SLC25A2: variants seen among roughly 807,000 people sequenced by gnomAD.
The protein encoded by SLC25A2 is solute carrier family 25 member 2, also known as mitochondrial ornithine transporter 2.
A neutral mutation model predicts 7.4 loss-of-function variants in SLC25A2; 6 were observed. That is an observed-to-expected ratio of 0.82 (90% CI 0.45 to 1.61). The LOEUF (loss-of-function observed/expected upper bound fraction) is 1.61, where lower values mean the gene tolerates loss of function less well. SLC25A2 is among the 40% of genes most tolerant of loss of function. The pLI is 0.01. For missense variants in SLC25A2, 356 were observed against 377.3 expected (o/e 0.94, Z 0.47); for synonymous variants, 158 against 153.4 (o/e 1.03, Z -0.22).
At position 141,302,865 on chromosome 5, in the gene SLC25A2, G is replaced by T; in HGVS notation, c.*95C>A. 1 of 1,360,844 alleles carries T rather than the reference G, an allele frequency of 7.3e-7. No homozygotes were observed. The highest frequency in any genetic ancestry group is 9.9e-7 in the Non-Finnish European group (1 of 1,011,274). The allele number at this position is 1,360,844 out of a possible 1,614,324, so 84.3% of individuals were successfully genotyped here. On this transcript the variant is annotated 3_prime_UTR_variant, in exon 1 of 1. Transcript: ENST00000239451. Reference sequence around the variant, plus strand: ...AAGATAAAACCAAAATTCCCATGAAGTCAAAATTAGACAGTGGTCTTGTAC... The same window carrying T: ...AAGATAAAACCAAAATTCCCATGAATTCAAAATTAGACAGTGGTCTTGTAC...
At position 141,303,375 on chromosome 5, in the gene SLC25A2, TC is replaced by T. The variant is rs782436012; in HGVS notation, c.490del (p.Asp164MetfsTer30). On this transcript the variant is annotated frameshift_variant, in exon 1 of 1. Coordinates refer to ENST00000239451, the MANE Select transcript of SLC25A2 (RefSeq NM_031947.4). LOFTEE classifies it high-confidence loss of function. Reference sequence around the variant, plus strand: ...TCCATGGTAGAAGCCCAAGGGGCCATCCTTTTTAAGGATACCCTTCACGACA... The same window carrying T: ...TCCATGGTAGAAGCCCAAGGGGCCATCTTTTTAAGGATACCCTTCACGACA... ...WSVVKGILKK[D>X]GPLGFYHGLS... 7 of 1,614,196 alleles carry T rather than the reference TC, an allele frequency of 4.3e-6. No homozygotes were observed. In the South Asian group the frequency reaches 7.7e-5, roughly 18 times the overall value.
In SLC25A2 at chr5:141,303,077, T is replaced by A; in HGVS notation, c.789A>T (p.Val263=). The change falls in exon 1 of 1, where the codon GTA becomes GTT. Residue 263 remains valine, a synonymous_variant. Coordinates refer to ENST00000239451, the MANE Select transcript of SLC25A2 (RefSeq NM_031947.4). The stretch of plus-strand genomic sequence containing the variant: ...TAGCTTTCAGTCCAGAATATAAGGC[T>A]ACTATTCCTTCATTTCTCACAACAC... ...LLSVVRNEGI[V]ALYSGLKATM... is the part of the protein sequence containing the mutation. 1 of 1,614,234 alleles carries A rather than the reference T, an allele frequency of 6.2e-7. No individual in the cohort carries two copies. The highest frequency in any genetic ancestry group is 8.5e-7 in the Non-Finnish European group (1 of 1,180,030).
rs1755953940 is a variant in SLC25A2, at chr5:141,304,015, T to C, written c.-150A>G. On this transcript the variant is annotated 5_prime_UTR_variant, in exon 1 of 1. Transcript: ENST00000239451. ...CGCCTGTTCTGGGCTCTCACCCCAG[T>C]GCGGGGGAAGCCGCTCAACCCTACG... The C allele has an allele frequency of 2.2e-6, 2 of 889,082 alleles. No individual in the cohort carries two copies. The highest frequency in any genetic ancestry group is 5.8e-5 in the Admixed American group (2 of 34,702). The allele number at this position is 889,082 out of a possible 1,614,324, so 55.1% of individuals were successfully genotyped here. A position where few individuals can be genotyped will look rare whatever the true frequency, so the allele number is the denominator to read the frequency against.
At position 141,303,015 on chromosome 5, in the gene SLC25A2, A is replaced by G. The variant is rs782286450; in HGVS notation, c.851T>C (p.Phe284Ser). Residue 284 changes from phenylalanine to serine, a missense_variant, in exon 1 of 1, where the codon TTT becomes TCT. Transcript: ENST00000239451. Reference protein sequence around the residue: ...IRAIPANGALFVAYEYSRKMM... With the variant: ...IRAIPANGALSVAYEYSRKMM... ...CTTCCTGCTGTATTCGTAGGCCACAAACAGTGCCCCATTGGCAGGGATTGC... is the reference window on the plus strand; with the variant it reads ...CTTCCTGCTGTATTCGTAGGCCACAGACAGTGCCCCATTGGCAGGGATTGC... 34 of 1,614,010 alleles carry G rather than the reference A, an allele frequency of 2.1e-5. No homozygotes were observed. Among genetic ancestry groups the G allele is most frequent in the Non-Finnish European group, 2.5e-5 (30 of 1,179,990 alleles).
rs782769910 is a variant in SLC25A2, at chr5:141,302,981, C to G, written c.885G>C (p.Met295Ile). 7.4e-6 allele frequency: 12 copies of G among 1,612,616 alleles called. No individual in the cohort carries two copies. In the Admixed American group the frequency reaches 2.0e-4, roughly 27 times the overall value. ...VAYEYSRKMMMKQLEAY is the reference protein window; with the variant it reads ...VAYEYSRKMMIKQLEAY Reference sequence around the variant, plus strand: ...CACTTCAGTATGCTTCCAACTGTTTCATCATCATCTTCCTGCTGTATTCGT... The same window carrying G: ...CACTTCAGTATGCTTCCAACTGTTTGATCATCATCTTCCTGCTGTATTCGT... The change falls in exon 1 of 1, where the codon ATG becomes ATC. Residue 295 changes from methionine to isoleucine, a missense_variant. Coordinates refer to ENST00000239451, the MANE Select transcript of SLC25A2 (RefSeq NM_031947.4).
At position 141,303,369 on chromosome 5, in the gene SLC25A2, G is replaced by A. The variant is rs1564061628; in HGVS notation, c.497C>T (p.Pro166Leu). Residue 166 changes from proline to leucine, a missense_variant, in exon 1 of 1, where the codon CCC (proline) becomes CTC (leucine). Transcript: ENST00000239451. ...VVKGILKKDG[P>L]LGFYHGLSST... is the part of the protein sequence containing the mutation. ...CGAGAGTCCATGGTAGAAGCCCAAG[G>A]GGCCATCCTTTTTAAGGATACCCTT... 6.2e-7 allele frequency: 1 copy of A among 1,614,062 alleles called. No individual in the cohort carries two copies. Among genetic ancestry groups the A allele is most frequent in the Non-Finnish European group, 8.5e-7 (1 of 1,180,032 alleles).
Position 141,302,998 on chromosome 5 carries a change from T to C in SLC25A2, c.868A>G (p.Ser290Gly). The change falls in exon 1 of 1, where the codon AGC becomes GGC. Residue 290 changes from serine to glycine, a missense_variant. By Grantham distance (56) the Ser-to-Gly change is moderately conservative. Transcript: ENST00000239451. ...AACTGTTTCATCATCATCTTCCTGC[T>C]GTATTCGTAGGCCACAAACAGTGCC... Reference protein sequence around the residue: ...NGALFVAYEYSRKMMMKQLEA... With the variant: ...NGALFVAYEYGRKMMMKQLEA... The C allele has an allele frequency of 1.2e-6, 2 of 1,613,802 alleles. No individual in the cohort carries two copies. The highest frequency in any genetic ancestry group is 1.1e-5 in the South Asian group (1 of 91,012).
rs782169887 is a variant in SLC25A2, at chr5:141,303,659, C to T, written c.207G>A (p.Pro69=). The change falls in exon 1 of 1, where the codon CCG becomes CCA. Residue 69 remains proline, a synonymous_variant. Transcript: ENST00000239451. ...TTTCGGCGACGTAGGCCATAAGTGC[C>T]GGGCCGGTGCCCTTGTAGAAGCCCC... The part of the protein sequence containing the change: ...GLRGFYKGTG[P]ALMAYVAENS... 10 of 1,614,110 alleles carry T rather than the reference C, an allele frequency of 6.2e-6. No homozygotes were observed. In the Admixed American group the frequency reaches 1.0e-4, roughly 16 times the overall value.
rs558401279 is a variant in SLC25A2 at position 141,303,168 on chromosome 5, A to C, written c.698T>G (p.Ile233Ser). Residue 233 changes from isoleucine to serine, a missense_variant, in exon 1 of 1, where the codon ATT becomes AGT. Coordinates refer to ENST00000239451, the MANE Select transcript of SLC25A2 (RefSeq NM_031947.4). ...GGAAAGAACTTGAATTCTGGATTTA[A>C]TACAATCCACTGGGAACACGACAAG... The part of the protein sequence containing the change: ...LWLVVFPVDC[I>S]KSRIQVLSMY... 6.2e-7 allele frequency: 1 copy of C among 1,614,266 alleles called. No homozygotes were observed.
chr5:141,302,948 C>A lies in SLC25A2; in HGVS notation c.*12G>T. The stretch of plus-strand genomic sequence containing the variant: ...AAACTCATGGACTCGGATCCAGGTT[C>A]ACCAAGACACTTCAGTATGCTTCCA... On this transcript the variant is annotated 3_prime_UTR_variant, in exon 1 of 1. Transcript: ENST00000239451. 1 of 1,605,666 alleles carries A rather than the reference C, an allele frequency of 6.2e-7. No individual in the cohort carries two copies. The highest frequency in any genetic ancestry group is 1.1e-5 in the South Asian group (1 of 89,250).
rs782499983 is a variant in SLC25A2, at chr5:141,303,397, C to A, written c.469G>T (p.Val157Leu). ...AKSHNTIWSVVKGILKKDGPL... is the reference protein window; with the variant it reads ...AKSHNTIWSVLKGILKKDGPL... ...CCATCCTTTTTAAGGATACCCTTCA[C>A]GACAGACCAAATTGTATTATGGCTT... is the stretch of plus-strand genomic sequence containing the variant. The change falls in exon 1 of 1, where the codon GTG (valine) becomes TTG (leucine). Residue 157 changes from valine (V) to leucine (L), a missense_variant. Coordinates refer to ENST00000239451, the MANE Select transcript of SLC25A2 (RefSeq NM_031947.4). 1.1e-5 allele frequency: 17 copies of A among 1,614,062 alleles called. No homozygotes were observed. The highest frequency in any genetic ancestry group is 1.4e-5 in the Non-Finnish European group (17 of 1,180,060).
chr5:141,302,811 T>A lies in SLC25A2; in HGVS notation c.*149A>T. On this transcript the variant is annotated 3_prime_UTR_variant, in exon 1 of 1. Transcript: ENST00000239451. ...ATGATGTAAAATAGAGGCCCTTCCA[T>A]AAAGTTAAGATTTAGGGTAGAAGAA... is the stretch of plus-strand genomic sequence containing the variant. 1.4e-6 allele frequency: 1 copy of A among 706,184 alleles called. No homozygotes were observed. The highest frequency in any genetic ancestry group is 2.3e-6 in the Non-Finnish European group (1 of 442,300). 43.7% of individuals were successfully genotyped at this position (706,184 alleles called of 1,614,324 possible).
Position 141,304,002 on chromosome 5 carries a change from G to T in SLC25A2, c.-137C>A. ...GGGGTGGCTCTACCGCCTGTTCTGGGCTCTCACCCCAGTGCGGGGGAAGCC... is the reference window on the plus strand; with the variant it reads ...GGGGTGGCTCTACCGCCTGTTCTGGTCTCTCACCCCAGTGCGGGGGAAGCC... On this transcript the variant is annotated 5_prime_UTR_variant, in exon 1 of 1. Transcript: ENST00000239451. The T allele has an allele frequency of 1.0e-6, 1 of 999,234 alleles. No individual in the cohort carries two copies. The highest frequency in any genetic ancestry group is 1.5e-6 in the Non-Finnish European group (1 of 688,582). The allele number at this position is 999,234 out of a possible 1,614,324, so 61.9% of individuals were successfully genotyped here.
Position 141,302,887 on chromosome 5 carries a change from G to C in SLC25A2, c.*73C>G. The stretch of plus-strand genomic sequence containing the variant: ...GAAGTCAAAATTAGACAGTGGTCTT[G>C]TACTCTGCTGAACCCTGTGATGAAC... On this transcript the variant is annotated 3_prime_UTR_variant, in exon 1 of 1. Coordinates refer to ENST00000239451, the MANE Select transcript of SLC25A2 (RefSeq NM_031947.4). The C allele has an allele frequency of 6.7e-7, 1 of 1,486,718 alleles. No homozygotes were observed. The highest frequency in any genetic ancestry group is 2.2e-5 in the Admixed American group (1 of 45,456). The allele number at this position is 1,486,718 out of a possible 1,614,324, so 92.1% of individuals were successfully genotyped here. A position where few individuals can be genotyped will look rare whatever the true frequency, so the allele number is the denominator to read the frequency against.
At position 141,303,646 on chromosome 5, in the gene SLC25A2, A is replaced by G. The variant is rs1554296108; in HGVS notation, c.220T>C (p.Tyr74His). The G allele has an allele frequency of 6.2e-7, 1 of 1,614,130 alleles. No individual in the cohort carries two copies. The highest frequency in any genetic ancestry group is 1.3e-5 in the African/African-American group (1 of 74,950). ...AAGAGGACCGAGTTTTCGGCGACGT[A>G]GGCCATAAGTGCCGGGCCGGTGCCC... ...YKGTGPALMA[Y>H]VAENSVLFMC... Residue 74 changes from tyrosine (Y) to histidine (H), a missense_variant, in exon 1 of 1, where the codon TAC becomes CAC. Transcript: ENST00000239451.
At position 141,303,331 on chromosome 5, in the gene SLC25A2, G is replaced by T. The variant is rs1222493346; in HGVS notation, c.535C>A (p.Gln179Lys). The T allele has an allele frequency of 1.2e-6, 2 of 1,614,060 alleles. No individual in the cohort carries two copies. Among genetic ancestry groups the T allele is most frequent in the African/African-American group, 2.7e-5 (2 of 74,914 alleles). ...AAAAAGAAATAACCCGGTACTTCTTGAAGTAGAGTACTCGAGAGTCCATGG... is the reference window on the plus strand; with the variant it reads ...AAAAAGAAATAACCCGGTACTTCTTTAAGTAGAGTACTCGAGAGTCCATGG... ...FYHGLSSTLL[Q>K]EVPGYFFFFG... Residue 179 changes from glutamine (Q) to lysine (K), a missense_variant, in exon 1 of 1, where the codon CAA (glutamine) becomes AAA (lysine). Transcript: ENST00000239451.
chr5:141,302,784 A>G lies in SLC25A2; in HGVS notation c.*176T>C, dbSNP rs1342785175. 1.7e-6 allele frequency: 1 copy of G among 595,246 alleles called. No homozygotes were observed. The highest frequency in any genetic ancestry group is 3.5e-5 in the Admixed American group (1 of 28,346). The allele number at this position is 595,246 out of a possible 1,614,324, so 36.9% of individuals were successfully genotyped here. ...TTCAATACAATTATGGGCAGAAATTATATGATGTAAAATAGAGGCCCTTCC... is the reference window on the plus strand; with the variant it reads ...TTCAATACAATTATGGGCAGAAATTGTATGATGTAAAATAGAGGCCCTTCC... On this transcript the variant is annotated 3_prime_UTR_variant, in exon 1 of 1. Transcript: ENST00000239451.
chr5:141,302,968 C>T lies in SLC25A2; in HGVS notation c.898G>A (p.Ala300Thr), dbSNP rs562162894. 6.2e-4 allele frequency: 1,007 copies of T among 1,611,480 alleles called. 10 individuals are homozygous for T. The South Asian group carries it at 9.0e-3, about 14-fold the overall frequency. The change falls in exon 1 of 1, where the codon GCA (alanine) becomes ACA (threonine). Residue 300 changes from alanine (A) to threonine (T), a missense_variant. Physicochemically the swap from Ala to Thr is moderately conservative, Grantham distance 58. Transcript: ENST00000239451. Reference sequence around the variant, plus strand: ...AGGTTCACCAAGACACTTCAGTATGCTTCCAACTGTTTCATCATCATCTTC... The same window carrying T: ...AGGTTCACCAAGACACTTCAGTATGTTTCCAACTGTTTCATCATCATCTTC... ...SRKMMMKQLE[A>T]Y
rs782033932 is a variant in SLC25A2, at chr5:141,302,962, A to G, written c.904T>C (p.Ter302ArgextTer11). 3 of 1,610,088 alleles carry G rather than the reference A, an allele frequency of 1.9e-6. No homozygotes were observed. The highest frequency in any genetic ancestry group is 1.7e-5 in the Admixed American group (1 of 59,670). ...KMMMKQLEAY[*>R] Reference sequence around the variant, plus strand: ...GGATCCAGGTTCACCAAGACACTTCAGTATGCTTCCAACTGTTTCATCATC... The same window carrying G: ...GGATCCAGGTTCACCAAGACACTTCGGTATGCTTCCAACTGTTTCATCATC... Residue 302 changes from the stop codon to arginine (R), a stop_lost, in exon 1 of 1, where the codon TGA becomes CGA. Transcript: ENST00000239451.
Sources: allele counts gnomAD v4.1 joint callset, GRCh38; gene constraint gnomAD v4.1.1; transcripts MANE v1.5; gene names NCBI Gene and HGNC (gene_info 2026-07-23, HGNC 2026-07-21).